The following NAALADL2 variants were observed in gnomAD, a reference collection of about 807,000 sequenced individuals.
NAALADL2 encodes the protein inactive N-acetylated-alpha-linked acidic dipeptidase-like protein 2.
In NAALADL2, 76 loss-of-function variants were observed where a neutral mutation model predicts 87.2. The observed-to-expected ratio is 0.87, with a 90% CI of 0.72 to 1.05. The LOEUF (loss-of-function observed/expected upper bound fraction) is 1.05. Ranked by LOEUF, NAALADL2 falls within the 50% of genes least tolerant of loss-of-function variation. The probability of loss-of-function intolerance (pLI) is 0.00; values close to 1 mark genes in which losing one functional copy is unlikely to be tolerated. For missense variants in NAALADL2, 1,089 were observed against 945.8 expected, an observed-to-expected ratio of 1.15 and a Z score of -1.99; for synonymous variants, 354 against 331.0, an observed-to-expected ratio of 1.07 and a Z score of -0.75.
intron 2 of NAALADL2, among the ~76,000 whole-genome samples, chr3:175,130,335 CTTT>C (rs1727634737): frequency 6.6e-6 from 1 of 151,518 alleles, no homozygotes; most frequent in Admixed American, 6.6e-5. Flanking sequence ...TATGAAGAAA[CTTT>C]TTTAGTTTTA....
chr3:174,918,510 T>C (rs1176880977), intron 1 of NAALADL2, among the ~76,000 whole-genome samples: 1 of 152,198 alleles, frequency 6.6e-6, no homozygotes, highest in African/African-American at 2.4e-5. Flanking sequence ...TGTGCATCTG[T>C]ACTCAGTTTT....
At chr3:175,469,462 T>C (rs1226815884) in intron 8 of NAALADL2, among the ~76,000 whole-genome samples, 3 of 152,088 alleles carry the variant, frequency 2.0e-5, no homozygotes, top group African/African-American at 7.2e-5. Context: ...TAGAAAACTC[T>C]GGAAACCCAC....
intron 9 of NAALADL2, among the ~76,000 whole-genome samples, chr3:175,511,345 G>T (rs144610432): frequency 5.3e-5 from 8 of 152,296 alleles, no homozygotes; most frequent in African/African-American, 1.9e-4. Flanking sequence ...AGCTGATTAA[G>T]TTAAAATGAG....
At chr3:175,439,305 T>G (rs559160155) in intron 5 of NAALADL2, among the ~76,000 whole-genome samples, 39 of 151,312 alleles carry the variant, frequency 2.6e-4, no homozygotes, top group Non-Finnish European at 5.1e-4. Flanking sequence ...TAAACATGCA[T>G]GTGCAAGTAT....
chr3:175,303,812 G>T (rs1757368557), intron 4 of NAALADL2, among the ~76,000 whole-genome samples: 1 of 152,092 alleles, frequency 6.6e-6, no homozygotes, highest in Non-Finnish European at 1.5e-5. Flanking sequence ...GAAATGATGT[G>T]ACTTTTCATC....
chr3:175,572,310 T>C (rs1350225522), intron 9 of NAALADL2, among the ~76,000 whole-genome samples: 2 of 151,732 alleles, frequency 1.3e-5, no homozygotes, highest in African/African-American at 2.4e-5. Flanking sequence ...AGTCCACATG[T>C]AGCATCAGAG....
At chr3:174,608,405 T>C (rs1719374692) in intron 2 of NAALADL2, among the ~76,000 whole-genome samples, 1 of 151,506 alleles carries the variant, frequency 6.6e-6, no homozygotes, top group Admixed American at 6.6e-5. Flanking sequence ...ATCAACAAAA[T>C]TGATAGACCG....
At chr3:174,884,469 G>T (rs912701954) in intron 1 of NAALADL2, among the ~76,000 whole-genome samples, 1 of 152,136 alleles carries the variant, frequency 6.6e-6, no homozygotes. Context: ...TGAGCCCATT[G>T]TCACACTTCT....
intron 11 of NAALADL2, among the ~76,000 whole-genome samples, chr3:175,642,254 G>A (rs928712280): frequency 2.8e-4 from 42 of 152,066 alleles, no homozygotes; most frequent in African/African-American, 9.9e-4. Flanking sequence ...GAATTAGAGG[G>A]TATACATGCT....
intron 2 of NAALADL2, among the ~76,000 whole-genome samples, chr3:175,104,582 G>A (rs1560031958): frequency 6.6e-6 from 1 of 151,608 alleles, no homozygotes; most frequent in Non-Finnish European, 1.5e-5. Flanking sequence ...CATGTTTTTT[G>A]TCCCTCTCTA....
At position 175,796,945 on chromosome 3, in the gene NAALADL2, C is replaced by CT. The variant is rs10706498; in HGVS notation, c.2190-6049dup. Among the ~76,000 whole-genome samples the CT allele has an allele frequency of 6.2e-3, 893 of 143,048 alleles. 2 individuals carry two copies. Among genetic ancestry groups the CT allele is most frequent in the Admixed American group, 8.1e-3 (116 of 14,390 alleles). 93.8% of individuals were successfully genotyped at this position (143,048 alleles called of 152,430 possible). On this transcript the variant is annotated intron_variant, in intron 13 of 13. Coordinates refer to ENST00000454872, the MANE Select transcript of NAALADL2 (RefSeq NM_207015.3). ...GTTGCCTTTGTTTAAAAATTCATGG[C>CT]TTTTTTTTTTTCAGTTTTCTTTTGC...
intron 5 of NAALADL2, among the ~76,000 whole-genome samples, chr3:175,406,757 C>T (rs1014921458): frequency 6.6e-5 from 10 of 151,926 alleles, no homozygotes; most frequent in Admixed American, 5.3e-4. Flanking sequence ...TTTCCTATTG[C>T]CTTTTGAGAC....
intron 4 of NAALADL2, among the ~76,000 whole-genome samples, chr3:175,310,030 G>A (rs1323787309): frequency 6.6e-6 from 1 of 152,154 alleles, no homozygotes; most frequent in Non-Finnish European, 1.5e-5. Context: ...AAATTCAAAT[G>A]TACTACTAGT....
intron 4 of NAALADL2, among the ~76,000 whole-genome samples, chr3:175,262,691 C>T (rs567248097): frequency 6.6e-6 from 1 of 151,400 alleles, no homozygotes; most frequent in Admixed American, 6.6e-5. Context: ...GAGAAAGACA[C>T]CTTTCCTATT....
At chr3:175,332,325 T>C (rs1761497462) in intron 5 of NAALADL2, among the ~76,000 whole-genome samples, 1 of 152,148 alleles carries the variant, frequency 6.6e-6, no homozygotes, top group Non-Finnish European at 1.5e-5. Flanking sequence ...TCAAAGTATA[T>C]TACAAGCATA....
intron 3 of NAALADL2, among the ~76,000 whole-genome samples, chr3:174,764,001 TA>T (rs1713440212): frequency 6.6e-6 from 1 of 152,104 alleles, no homozygotes; most frequent in South Asian, 2.1e-4. Context: ...ATAGAGTTTT[TA>T]AAGAAAAGAC....
At chr3:175,251,761 A>T (rs1749109950) in intron 3 of NAALADL2, among the ~76,000 whole-genome samples, 1 of 152,246 alleles carries the variant, frequency 6.6e-6, no homozygotes, top group African/African-American at 2.4e-5. Flanking sequence ...TTTGCTTGAA[A>T]GTCTATAGAA....
At chr3:175,144,137 A>G (rs982367733) in intron 2 of NAALADL2, among the ~76,000 whole-genome samples, 1 of 151,970 alleles carries the variant, frequency 6.6e-6, no homozygotes, top group Non-Finnish European at 1.5e-5. Context: ...TTGAGTTACT[A>G]AAGATGGCTA....
At chr3:175,086,090 G>C (rs1345606352) in intron 1 of NAALADL2, among the ~76,000 whole-genome samples, 1 of 152,186 alleles carries the variant, frequency 6.6e-6, no homozygotes, top group Non-Finnish European at 1.5e-5. Flanking sequence ...AAAACAGCAG[G>C]TTAAGGATAA....
Sources: allele counts gnomAD v4.1 joint callset (sites outside exome capture counted in the v4.1 genomes callset), GRCh38; gene constraint gnomAD v4.1.1; transcripts MANE v1.5; gene names NCBI Gene and HGNC (gene_info 2026-07-23, HGNC 2026-07-21).